The following OR2L3 variants were observed in gnomAD, a reference collection of about 807,000 sequenced individuals.
OR2L3 encodes olfactory receptor 2L3.
For synonymous variants in OR2L3, 131 were observed against 139.1 expected, an observed-to-expected ratio of 0.94 and a Z score of 0.41; for missense variants, 369 against 376.6, an observed-to-expected ratio of 0.98 and a Z score of 0.17.
chr1:248,060,929 AT>A lies in OR2L3; in HGVS notation c.252del (p.Leu85CysfsTer22), dbSNP rs772682683. 14 of 1,613,758 alleles carry A rather than the reference AT, an allele frequency of 8.7e-6. No individual in the cohort carries two copies. In the East Asian group the frequency reaches 3.1e-4, roughly 36 times the overall value. On this transcript the variant is annotated frameshift_variant, in exon 2 of 2. Coordinates refer to ENST00000359959, the MANE Select transcript of OR2L3 (RefSeq NM_001004687.2). LOFTEE classifies it low-confidence loss of function (END_TRUNC). ...ACCATTGTTCCTAAGATGGCATCTGATTTTCTGTCTGGTAACAAGTCTATCT... is the reference window on the plus strand; with the variant it reads ...ACCATTGTTCCTAAGATGGCATCTGATTTCTGTCTGGTAACAAGTCTATCT... ...ISTIVPKMAS[D>X]FLSGNKSISF...
At chr1:248,047,502 G>C (rs1663114864) in intron 1 of OR2L3, among the ~76,000 whole-genome samples, 1 of 152,130 alleles carries the variant, frequency 6.6e-6, no homozygotes, top group Non-Finnish European at 1.5e-5. Context: ...TGTTCTTCTG[G>C]AAATCAATAA....
intron 1 of OR2L3, among the ~76,000 whole-genome samples, chr1:248,058,499 T>C (rs569610598): frequency 5.8e-4 from 89 of 152,196 alleles, no homozygotes; most frequent in African/African-American, 1.9e-3. Context: ...ATTGCTACAA[T>C]ACAAAAAATA....
intron 1 of OR2L3, among the ~76,000 whole-genome samples, chr1:248,048,316 A>AG (rs1333278595): frequency 1.3e-5 from 2 of 152,194 alleles, no homozygotes; most frequent in Non-Finnish European, 2.9e-5. Context: ...CTTCTCAACA[A>AG]TTACAAATAC....
chr1:248,050,442 C>A (rs1663227222), intron 1 of OR2L3, among the ~76,000 whole-genome samples: 3 of 152,066 alleles, frequency 2.0e-5, no homozygotes, highest in Admixed American at 2.0e-4. Context: ...GCTGAGGCTG[C>A]TTTCCTGTCA....
intron 1 of OR2L3, among the ~76,000 whole-genome samples, chr1:248,059,769 G>T (rs1663562450): frequency 6.6e-6 from 1 of 152,182 alleles, no homozygotes; most frequent in South Asian, 2.1e-4. Context: ...CATGGGTTGG[G>T]TGGGGAAGCT....
In OR2L3 at chr1:248,061,347, T is replaced by A. The variant is rs1246062059; in HGVS notation, c.666T>A (p.Leu222=). 6.2e-7 allele frequency: 1 copy of A among 1,613,844 alleles called. No homozygotes were observed. Among genetic ancestry groups the A allele is most frequent in the Admixed American group, 1.7e-5 (1 of 59,986 alleles). The change falls in exon 2 of 2, where the codon CTT becomes CTA. Residue 222 remains leucine (L), a synonymous_variant. Transcript: ENST00000359959. The part of the protein sequence containing the change: ...AISCSYGRVL[L]AVYHMKSAEG... ...CATGTTCCTATGGCCGGGTTCTCCT[T>A]GCTGTCTACCACATGAAATCTGCAG... is the stretch of plus-strand genomic sequence containing the variant.
At chr1:248,050,226 G>C (rs1211953947) in intron 1 of OR2L3, among the ~76,000 whole-genome samples, 1 of 151,276 alleles carries the variant, frequency 6.6e-6, no homozygotes, top group Non-Finnish European at 1.5e-5. Context: ...TGTGTATTCT[G>C]TCATTAATGC....
rs1216506362 is a variant in OR2L3 at position 248,054,799 on chromosome 1, G to C, written c.-21-5862G>C. 1.3e-5 allele frequency among the ~76,000 whole-genome samples: 2 copies of C among 152,212 alleles called. 1 individual carries two copies. Among genetic ancestry groups the C allele is most frequent in the East Asian group, 3.8e-4 (2 of 5,198 alleles). ...TTTCTGCACATTGATTTTGTATCCT[G>C]AGAGTTTGATGAATTTGCTTATCAG... On this transcript the variant is annotated intron_variant, in intron 1 of 1. Transcript: ENST00000359959.
intron 1 of OR2L3, among the ~76,000 whole-genome samples, chr1:248,049,075 T>C (rs1663175826): frequency 6.6e-6 from 1 of 152,104 alleles, no homozygotes; most frequent in Non-Finnish European, 1.5e-5. Flanking sequence ...GGGAGTAAAA[T>C]CTGTGCCTCC....
rs937290858 is a variant in OR2L3 at position 248,061,570 on chromosome 1, A to G, written c.889A>G (p.Met297Val). The G allele has an allele frequency of 8.1e-6, 13 of 1,613,534 alleles. No individual in the cohort carries two copies. In the African/African-American group the frequency reaches 1.2e-4, roughly 15 times the overall value. The change falls in exon 2 of 2, where the codon ATG (methionine) becomes GTG (valine). Residue 297 changes from methionine (M) to valine (V), a missense_variant. Transcript: ENST00000359959. ...CTATAGCCTGAGGAACAAGGAGGTG[A>G]TGGGGGCCCTGACACGAGTGAGTCA... The part of the protein sequence containing the change: ...IIYSLRNKEV[M>V]GALTRVSQRI...
At chr1:248,056,917 T>C (rs1663453353) in intron 1 of OR2L3, among the ~76,000 whole-genome samples, 1 of 152,078 alleles carries the variant, frequency 6.6e-6, no homozygotes, top group Admixed American at 6.6e-5. Context: ...CCCAAAGTGC[T>C]GGGATTACAG....
At chr1:248,048,387 T>C (rs1028430505) in intron 1 of OR2L3, among the ~76,000 whole-genome samples, 2 of 152,220 alleles carry the variant, frequency 1.3e-5, no homozygotes, top group Admixed American at 6.5e-5. Flanking sequence ...CAACATTATG[T>C]ACTGTGTCTC....
At chr1:248,047,197 A>G (rs910759298) in intron 1 of OR2L3, among the ~76,000 whole-genome samples, 2 of 152,132 alleles carry the variant, frequency 1.3e-5, no homozygotes, top group African/African-American at 2.4e-5. Context: ...ATTCATAATA[A>G]TGATTGTAGG....
chr1:248,047,944 G>A (rs1663132749), intron 1 of OR2L3, among the ~76,000 whole-genome samples: 3 of 152,154 alleles, frequency 2.0e-5, no homozygotes, highest in Admixed American at 2.0e-4. Context: ...GTAATTATAA[G>A]ATACAGGGTC....
chr1:248,055,603 A>T (rs899574374), intron 1 of OR2L3, among the ~76,000 whole-genome samples: 1 of 152,122 alleles, frequency 6.6e-6, no homozygotes, highest in Non-Finnish European at 1.5e-5. Context: ...TAAAAATACA[A>T]AAAATTAGCC....
At chr1:248,059,647 A>G (rs1663559266) in intron 1 of OR2L3, among the ~76,000 whole-genome samples, 1 of 152,242 alleles carries the variant, frequency 6.6e-6, no homozygotes, top group African/African-American at 2.4e-5. Flanking sequence ...GAACCACAAA[A>G]TGATAACTGA....
chr1:248,060,551 AG>A, intron 1 of OR2L3, 109 bp from the exon 2 acceptor site: 1 of 708,564 alleles, frequency 1.4e-6, no homozygotes. Flanking sequence ...TAGTGTATAT[AG>A]GGCTCAGTGT....
intron 1 of OR2L3, among the ~76,000 whole-genome samples, chr1:248,049,116 G>A (rs753098249): frequency 1.3e-5 from 2 of 152,070 alleles, no homozygotes; most frequent in African/African-American, 2.4e-5. Context: ...GACTCAAGAC[G>A]ACCATCCTCC....
intron 1 of OR2L3, among the ~76,000 whole-genome samples, chr1:248,054,921 A>G (rs1406428398): frequency 6.6e-6 from 1 of 152,044 alleles, no homozygotes; most frequent in Admixed American, 6.6e-5. Context: ...CTATTTGCAT[A>G]CCCTTTCTTT....
Sources: gnomAD v4.1 joint callset for allele counts (sites outside exome capture counted in the v4.1 genomes callset) on GRCh38, gnomAD v4.1.1 for gene constraint, MANE v1.5 for transcripts, NCBI Gene and HGNC (gene_info 2026-07-23, HGNC 2026-07-21) for gene names.